Variants in KDM4C observed in about 807,000 individuals in gnomAD.
KDM4C encodes lysine-specific demethylase 4C.
A neutral mutation model predicts 129.3 loss-of-function variants in KDM4C; 81 were observed. That is an observed-to-expected ratio of 0.63 (90% CI 0.52 to 0.75). The LOEUF is 0.75. KDM4C is among the 30% of genes least tolerant of loss of function. The pLI is 0.00. For missense variants in KDM4C, 1,457 were observed against 1,304.0 expected (o/e 1.12, Z -1.81); for synonymous variants, 573 against 456.1 (o/e 1.26, Z -3.26).
intron 14 of KDM4C, 67 bp downstream of exon 14, chr9:7,014,068 T>G (rs1002876549): frequency 7.4e-7 from 1 of 1,346,644 alleles, no homozygotes; most frequent in Non-Finnish European, 1.0e-6. Flanking sequence ...ATTTCTCACT[T>G]TTTTGGAACC....
chr9:7,105,312 G>T, intron 18 of KDM4C: 1 of 378,230 alleles, frequency 2.6e-6, no homozygotes, highest in South Asian at 2.0e-5. Flanking sequence ...GCCAGTAACA[G>T]ATTGTGCAAC....
chr9:6,899,578 G>C (rs1160119731), intron 8 of KDM4C, among the ~76,000 whole-genome samples: 2 of 137,434 alleles, frequency 1.5e-5, no homozygotes, highest in African/African-American at 2.7e-5. Flanking sequence ...TGTTTAACTT[G>C]CTAGCTCATG....
chr9:7,002,773 G>T (rs540427057), intron 12 of KDM4C, among the ~76,000 whole-genome samples: 19 of 152,314 alleles, frequency 1.2e-4, no homozygotes, highest in African/African-American at 3.8e-4. Flanking sequence ...GAAGCTCATA[G>T]ACATGAATTC....
upstream of KDM4C, among the ~76,000 whole-genome samples, chr9:6,754,418 AT>A (rs1380727802): frequency 6.6e-6 from 1 of 151,914 alleles, no homozygotes; most frequent in Admixed American, 6.6e-5. Flanking sequence ...TAACCATGTT[AT>A]CTAGGCTGGT....
chr9:6,907,670 G>A (rs1489206492), intron 8 of KDM4C, among the ~76,000 whole-genome samples: 1 of 152,074 alleles, frequency 6.6e-6, no homozygotes, highest in African/African-American at 2.4e-5. Flanking sequence ...GACATTTCAC[G>A]TTGATTCTAA....
At chr9:6,847,063 G>T (rs970059745) in intron 4 of KDM4C, among the ~76,000 whole-genome samples, 5 of 152,056 alleles carry the variant, frequency 3.3e-5, no homozygotes, top group Admixed American at 3.3e-4. Flanking sequence ...GATGTCAAGG[G>T]ATTCAACCCT....
chr9:6,800,350 G>A (rs1369618963), intron 2 of KDM4C, among the ~76,000 whole-genome samples: 25 of 152,050 alleles, frequency 1.6e-4, no homozygotes, highest in Non-Finnish European at 1.5e-5. Context: ...CTGGGCAACA[G>A]TGAGACTCCA....
Position 7,114,926 on chromosome 9 carries a change from A to G in KDM4C, c.2610+11056A>G, listed in dbSNP as rs375200709. On this transcript the variant is annotated intron_variant, in intron 18 of 21. Transcript: ENST00000381309. ...AAAACCCATCTCTACCAAAAATACT[A>G]AAATTAGCTGGTCGTGGTGGTGTGC... Among the ~76,000 whole-genome samples the G allele has an allele frequency of 2.6e-5, 4 of 152,178 alleles. No individual in the cohort carries two copies. The East Asian group carries it at 7.7e-4, about 29-fold the overall frequency.
intron 12 of KDM4C, among the ~76,000 whole-genome samples, chr9:6,999,969 T>C (rs1483688587): frequency 6.6e-6 from 1 of 152,244 alleles, no homozygotes; most frequent in Non-Finnish European, 1.5e-5. Context: ...TTTATAGTTC[T>C]GTCTGTTTAA....
At chr9:6,927,114 T>TCTATCTAG (rs1822755046) in intron 8 of KDM4C, among the ~76,000 whole-genome samples, 1 of 151,502 alleles carries the variant, frequency 6.6e-6, no homozygotes, top group Non-Finnish European at 1.5e-5. Context: ...TATCTATCTA[T>TCTATCTAG]CTATCTATCT....
At chr9:7,122,430 G>A (rs1839606583) in intron 18 of KDM4C, among the ~76,000 whole-genome samples, 1 of 152,124 alleles carries the variant, frequency 6.6e-6, no homozygotes, top group Non-Finnish European at 1.5e-5. Context: ...CATGAGCTTT[G>A]GGTGGGGACA....
intron 8 of KDM4C, among the ~76,000 whole-genome samples, chr9:6,952,597 C>T (rs1350276613): frequency 1.3e-5 from 2 of 151,862 alleles, no homozygotes; most frequent in Admixed American, 6.6e-5. Context: ...CCCACAACCA[C>T]GCCTGGCTGA....
chr9:6,806,121 A>G (rs543926719), intron 3 of KDM4C, among the ~76,000 whole-genome samples: 17 of 152,294 alleles, frequency 1.1e-4, no homozygotes, highest in Admixed American at 2.0e-4. Context: ...TATGTATTAG[A>G]AGATTAGTAC....
chr9:7,165,508 C>G (rs1587958059), intron 20 of KDM4C, 151 bp downstream of exon 20: 4 of 875,200 alleles, frequency 4.6e-6, no homozygotes, highest in East Asian at 2.6e-5. Flanking sequence ...GTGTAATGAC[C>G]CAGGTCGAAA....
chr9:6,833,260 G>A (rs1253141346), intron 4 of KDM4C, among the ~76,000 whole-genome samples: 1 of 151,990 alleles, frequency 6.6e-6, no homozygotes. Flanking sequence ...TTAAAAAACA[G>A]AATGCATATC....
At chr9:6,742,487 G>A (rs1314860652) in intron 1 of KDM4C, among the ~76,000 whole-genome samples, 1 of 151,736 alleles carries the variant, frequency 6.6e-6, no homozygotes, top group Non-Finnish European at 1.5e-5. Context: ...TTAAGGTTCT[G>A]CTGGCCTTCG....
intron 17 of KDM4C, among the ~76,000 whole-genome samples, chr9:7,082,476 G>C (rs1384756768): frequency 6.6e-6 from 1 of 152,168 alleles, no homozygotes; most frequent in Non-Finnish European, 1.5e-5. Flanking sequence ...TTCAGTTTGG[G>C]TCCTCACCAG....
intron 8 of KDM4C, among the ~76,000 whole-genome samples, chr9:6,937,361 G>A (rs1302533809): frequency 2.0e-5 from 3 of 152,070 alleles, no homozygotes; most frequent in Admixed American, 2.0e-4. Flanking sequence ...GCATGGCAGA[G>A]CCTTCTGCTT....
intron 12 of KDM4C, among the ~76,000 whole-genome samples, chr9:7,002,067 A>C (rs992906316): frequency 6.6e-6 from 1 of 151,872 alleles, no homozygotes; most frequent in Admixed American, 6.6e-5. Context: ...TAGTTTTTCT[A>C]TTTTTAGTAG....
Sources: gnomAD v4.1 joint callset for allele counts (sites outside exome capture counted in the v4.1 genomes callset) on GRCh38, gnomAD v4.1.1 for gene constraint, MANE v1.5 for transcripts, NCBI Gene and HGNC (gene_info 2026-07-23, HGNC 2026-07-21) for gene names.